The following SLIT3 variants were observed in gnomAD, a reference collection of about 807,000 sequenced individuals.
SLIT3 encodes slit homolog 3 protein.
In SLIT3, 68 loss-of-function variants were observed where a neutral mutation model predicts 184.0. The ratio of observed to expected loss-of-function variants is 0.37; its 90% confidence interval spans 0.30 to 0.45. The LOEUF (loss-of-function observed/expected upper bound fraction) is 0.45. Among genes scored for constraint, SLIT3 ranks in the 20% least tolerant of loss-of-function variants. The pLI is 1.00. For missense variants in SLIT3, 1,707 were observed against 2,026.0 expected, an observed-to-expected ratio of 0.84 and a Z score of 3.02; for synonymous variants, 831 against 828.6, an observed-to-expected ratio of 1.00 and a Z score of -0.05.
intron 4 of SLIT3, among the ~76,000 whole-genome samples, chr5:169,156,455 G>A (rs146078523): frequency 2.6e-5 from 4 of 152,302 alleles, no homozygotes; most frequent in South Asian, 2.1e-4. Flanking sequence ...AATAGTCCTC[G>A]TGTTCGAGAA....
At chr5:169,019,121 G>T (rs1373491907) in intron 4 of SLIT3, among the ~76,000 whole-genome samples, 1 of 152,236 alleles carries the variant, frequency 6.6e-6, no homozygotes, top group Non-Finnish European at 1.5e-5. Context: ...CTGGGAAGGA[G>T]AAAGGAAGTG....
At chr5:169,039,747 A>C (rs534005895) in intron 4 of SLIT3, among the ~76,000 whole-genome samples, 24 of 152,330 alleles carry the variant, frequency 1.6e-4, no homozygotes, top group African/African-American at 5.5e-4. Flanking sequence ...TAATCAGGAC[A>C]TCTTACAGCT....
At position 168,707,994 on chromosome 5, in the gene SLIT3, G is replaced by C. The variant is rs1320475263; in HGVS notation, c.2826C>G (p.Ala942=). The C allele has an allele frequency of 6.2e-7, 1 of 1,614,196 alleles. No individual in the cohort carries two copies. The highest frequency in any genetic ancestry group is 1.6e-4 in the Middle Eastern group (1 of 6,062). Residue 942 remains alanine, a synonymous_variant, in exon 26 of 36, where the codon GCC becomes GCG. Transcript: ENST00000519560. ...TQDPVELYRC[A]CPYSYKGKDC... is the part of the protein sequence containing the mutation. ...AGCATACCTTGTAGCTGTAGGGGCA[G>C]GCACAGCGGTACAGCTCCACAGGGT... is the stretch of plus-strand genomic sequence containing the variant.
intron 4 of SLIT3, among the ~76,000 whole-genome samples, chr5:168,991,550 C>T (rs1322067223): frequency 5.9e-5 from 9 of 152,192 alleles, no homozygotes; most frequent in Non-Finnish European, 8.8e-5. Flanking sequence ...ACTGCCCCCA[C>T]CACCCCCAGC....
intron 4 of SLIT3, among the ~76,000 whole-genome samples, chr5:169,023,280 A>G (rs770886626): frequency 2.6e-5 from 4 of 152,102 alleles, no homozygotes; most frequent in Non-Finnish European, 4.4e-5. Flanking sequence ...AGGAGTGAGC[A>G]TGGTTGTATG....
intron 33 of SLIT3, among the ~76,000 whole-genome samples, chr5:168,672,015 G>A (rs1423422752): frequency 1.3e-5 from 2 of 152,214 alleles, no homozygotes; most frequent in African/African-American, 4.8e-5. Flanking sequence ...TATGTGCGGT[G>A]TACCCCTCTT....
At chr5:169,155,955 C>T (rs563913365) in intron 4 of SLIT3, among the ~76,000 whole-genome samples, 2 of 152,270 alleles carry the variant, frequency 1.3e-5, no homozygotes, top group South Asian at 2.1e-4. Context: ...AAAATGGATC[C>T]GTGACGGGGT....
chr5:169,020,907 C>A (rs1382337774), intron 4 of SLIT3, among the ~76,000 whole-genome samples: 1 of 152,202 alleles, frequency 6.6e-6, no homozygotes, highest in East Asian at 1.9e-4. Context: ...AGTGCTAGAG[C>A]AAGATAACCC....
rs368371904 is a variant in SLIT3 at position 169,137,335 on chromosome 5, C to CACACACAG, written c.413+56143_413+56144insCTGTGTGT. 1.0e-3 allele frequency among the ~76,000 whole-genome samples: 140 copies of CACACACAG among 138,658 alleles called. 1 individual carries two copies. Among genetic ancestry groups the CACACACAG allele is most frequent in the African/African-American group, 3.8e-3 (137 of 35,714 alleles). The allele number at this position is 138,658 out of a possible 152,430, so 91.0% of individuals were successfully genotyped here. A position where few individuals can be genotyped will look rare whatever the true frequency, so the allele number is the denominator to read the frequency against. ...ACACACACACACACACACACACACA[C>CACACACAG]AGAGAGAGAGAGAGAGAGAGAAACA... On this transcript the variant is annotated intron_variant, in intron 4 of 35. Coordinates refer to ENST00000519560, the MANE Select transcript of SLIT3 (RefSeq NM_003062.4).
At chr5:168,768,316 G>A (rs925215401) in intron 14 of SLIT3, 1 of 468,532 alleles carries the variant, frequency 2.1e-6, no homozygotes, top group Non-Finnish European at 4.4e-6. Flanking sequence ...GAAGCAGCGT[G>A]GAGAAGCGGA....
chr5:168,749,756 G>C (rs1754635301), intron 18 of SLIT3, 121 bp from the exon 19 acceptor site: 3 of 990,696 alleles, frequency 3.0e-6, no homozygotes, highest in African/African-American at 3.2e-5. Context: ...GGAAACGTAG[G>C]CTCTTCCCCA....
chr5:169,140,166 C>T (rs920416149), intron 4 of SLIT3, among the ~76,000 whole-genome samples: 6 of 151,850 alleles, frequency 4.0e-5, no homozygotes, highest in Non-Finnish European at 8.8e-5. Flanking sequence ...CGAAGGTGTG[C>T]TCACAAAGAG....
intron 3 of SLIT3, among the ~76,000 whole-genome samples, chr5:169,228,676 T>G (rs913115292): frequency 1.3e-5 from 2 of 152,212 alleles, no homozygotes; most frequent in Non-Finnish European, 2.9e-5. Context: ...CAAATTTTTT[T>G]AAAACATGAG....
chr5:169,013,877 C>A (rs188622182), intron 4 of SLIT3, among the ~76,000 whole-genome samples: 161 of 152,336 alleles, frequency 1.1e-3, no homozygotes, highest in African/African-American at 3.7e-3. Flanking sequence ...GTTTATAGAT[C>A]TGCATACTTG....
chr5:168,677,524 C>T (rs1393886434), intron 32 of SLIT3, among the ~76,000 whole-genome samples: 7 of 152,244 alleles, frequency 4.6e-5, no homozygotes, highest in African/African-American at 1.7e-4. Context: ...TCTCAGCTCA[C>T]TGCAACCTCC....
At chr5:168,870,992 C>A (rs1504955) in intron 5 of SLIT3, among the ~76,000 whole-genome samples, 4 of 152,056 alleles carry the variant, frequency 2.6e-5, no homozygotes, top group Non-Finnish European at 4.4e-5. Context: ...ACAAACTGAG[C>A]GTCTTAACAT....
chr5:169,242,090 ATAT>A (rs1324282293), intron 3 of SLIT3, among the ~76,000 whole-genome samples: 1 of 152,228 alleles, frequency 6.6e-6, no homozygotes, highest in Non-Finnish European at 1.5e-5. Flanking sequence ...ATCCACCGTC[ATAT>A]TATTAATAGC....
At chr5:169,054,537 C>A (rs185835459) in intron 4 of SLIT3, among the ~76,000 whole-genome samples, 1 of 152,070 alleles carries the variant, frequency 6.6e-6, no homozygotes, top group Non-Finnish European at 1.5e-5. Context: ...TTTTCTCCTC[C>A]GATACATCCT....
chr5:169,227,393 G>T (rs189965712), intron 3 of SLIT3, among the ~76,000 whole-genome samples: 1 of 152,116 alleles, frequency 6.6e-6, no homozygotes. Flanking sequence ...ACAACTCAGC[G>T]TAGGTATTAG....
Sources: allele counts gnomAD v4.1 joint callset (sites outside exome capture counted in the v4.1 genomes callset), GRCh38; gene constraint gnomAD v4.1.1; transcripts MANE v1.5; gene names NCBI Gene and HGNC (gene_info 2026-07-23, HGNC 2026-07-21).